Variants in ZBTB37 observed in about 807,000 individuals in gnomAD.
ZBTB37 encodes the protein zinc finger and BTB domain-containing protein 37.
Under a neutral mutation model 37.7 loss-of-function variants are expected in ZBTB37, and 15 were observed. That is an observed-to-expected ratio of 0.40 (90% confidence interval 0.27 to 0.61). ZBTB37 has a LOEUF of 0.61. Ranked by LOEUF, ZBTB37 falls within the 20% of genes least tolerant of loss-of-function variation. The pLI is 0.44. For synonymous variants in ZBTB37, 231 were observed against 220.6 expected (o/e 1.05, Z -0.42); for missense variants, 514 against 641.9 (o/e 0.80, Z 2.15).
chr1:173,869,485 T>A (rs1655354395), intron 2 of ZBTB37, among the ~76,000 whole-genome samples: 2 of 152,238 alleles, frequency 1.3e-5, no homozygotes, highest in African/African-American at 4.8e-5. Flanking sequence ...GATGGAAGTA[T>A]TCATCACCAC....
intron 3 of ZBTB37, among the ~76,000 whole-genome samples, chr1:173,872,035 A>G (rs538986102): frequency 2.8e-4 from 42 of 152,356 alleles, no homozygotes; most frequent in Non-Finnish European, 5.3e-4. Flanking sequence ...CAGTTAGTGT[A>G]TACTGTATCC....
downstream of ZBTB37, chr1:173,889,248 A>T (rs1246182246): frequency 6.6e-6 from 1 of 152,268 alleles, no homozygotes; most frequent in Non-Finnish European, 1.5e-5. Context: ...CTAACAACAC[A>T]TTGGTCATAG....
chr1:173,895,663 T>TA (rs1285212987), exon 4 of ZBTB37: 1 of 152,232 alleles, frequency 6.6e-6, no homozygotes, highest in Non-Finnish European at 1.5e-5. Context: ...TCATTCTTGT[T>TA]ACCTTTCATA....
At chr1:173,877,231 G>C (rs1414660097) in intron 4 of ZBTB37, among the ~76,000 whole-genome samples, 1 of 151,992 alleles carries the variant, frequency 6.6e-6, no homozygotes, top group Non-Finnish European at 1.5e-5. Flanking sequence ...GCATAAGACA[G>C]ACTAACAAAT....
chr1:173,890,049 A>G (rs1322778), downstream of ZBTB37: 16,413 of 152,152 alleles, frequency 0.11, 1,010 homozygotes, highest in East Asian at 0.24. Context: ...TTTTTCTTAA[A>G]GGCAGGGTCT....
exon 4 of ZBTB37, chr1:173,892,614 C>G (rs936862774): frequency 6.6e-6 from 1 of 152,162 alleles, no homozygotes; most frequent in Non-Finnish European, 1.5e-5. Context: ...TCAACTGTGA[C>G]ACAGCAGTGA....
At chr1:173,883,931 G>A (rs540145585) in intron 4 of ZBTB37, among the ~76,000 whole-genome samples, 1 of 152,218 alleles carries the variant, frequency 6.6e-6, no homozygotes, top group African/African-American at 2.4e-5. Context: ...GATGAATCTT[G>A]CTCCAGTTAC....
chr1:173,869,306 C>G (rs1017979277), intron 2 of ZBTB37, among the ~76,000 whole-genome samples, 186 bp downstream of exon 2: 1 of 152,108 alleles, frequency 6.6e-6, no homozygotes, highest in African/African-American at 2.4e-5. Flanking sequence ...TCTTCCTGTT[C>G]GGATTTATAC....
At chr1:173,885,574 C>A in intron 4 of ZBTB37, 62 bp from the exon 5 acceptor site, 1 of 1,352,218 alleles carries the variant, frequency 7.4e-7, no homozygotes, top group African/African-American at 1.5e-5. Context: ...GATTTGATTG[C>A]TTTTAATATG....
chr1:173,872,548 T>C (rs1230040315), intron 3 of ZBTB37, among the ~76,000 whole-genome samples: 1 of 152,044 alleles, frequency 6.6e-6, no homozygotes, highest in Admixed American at 6.6e-5. Context: ...CTTATTAAAA[T>C]AATCTTGAGC....
intron 4 of ZBTB37, among the ~76,000 whole-genome samples, chr1:173,880,692 G>A (rs1656246113): frequency 6.6e-6 from 1 of 151,922 alleles, no homozygotes; most frequent in East Asian, 1.9e-4. Flanking sequence ...AGCCGTTTTT[G>A]CCTTTGCTTC....
intron 4 of ZBTB37, among the ~76,000 whole-genome samples, chr1:173,877,121 A>G (rs1308705205): frequency 6.6e-6 from 1 of 152,222 alleles, no homozygotes; most frequent in Non-Finnish European, 1.5e-5. Context: ...TTATAATCGT[A>G]TGGAAGCACG....
chr1:173,873,167 AATTT>A (rs1446460597), intron 3 of ZBTB37, among the ~76,000 whole-genome samples: 1 of 152,190 alleles, frequency 6.6e-6, no homozygotes, highest in African/African-American at 2.4e-5. Flanking sequence ...GCCCCGTTTT[AATTT>A]ATTCTTTTAT....
chr1:173,880,103 G>T (rs1656215896), intron 4 of ZBTB37, among the ~76,000 whole-genome samples: 1 of 152,168 alleles, frequency 6.6e-6, no homozygotes, highest in South Asian at 2.1e-4. Context: ...ACAGGATCAG[G>T]CACACACTAC....
chr1:173,870,946 G>A, exon 3 of ZBTB37: 1 of 1,614,234 alleles, frequency 6.2e-7, no homozygotes, highest in Non-Finnish European at 8.5e-7. Flanking sequence ...TAGAGTTCTT[G>A]GAGCAGTACA....
downstream of ZBTB37, chr1:173,890,064 A>G (rs1049124711): frequency 2.0e-5 from 3 of 152,094 alleles, no homozygotes; most frequent in African/African-American, 4.8e-5. Context: ...GGGTCTCACT[A>G]TGTTGCCCAG....
exon 4 of ZBTB37, chr1:173,895,023 T>G (rs1453850766): frequency 6.6e-6 from 1 of 152,246 alleles, no homozygotes; most frequent in African/African-American, 2.4e-5. Context: ...TGTGAACATT[T>G]GCCTGGTTTT....
chr1:173,868,996 A>G (rs1284488528), exon 2 of ZBTB37: 1 of 152,686 alleles, frequency 6.5e-6, no homozygotes, highest in African/African-American at 2.4e-5. Context: ...GAATTGCCGG[A>G]AAGAGCAAAC....
exon 3 of ZBTB37, chr1:173,870,278 T>G: frequency 6.2e-7 from 1 of 1,614,196 alleles, no homozygotes; most frequent in Non-Finnish European, 8.5e-7. Context: ...AGCAACTCTG[T>G]CCTGAGCCAT....
Sources: allele counts gnomAD v4.1 joint callset (sites outside exome capture counted in the v4.1 genomes callset), GRCh38; gene constraint gnomAD v4.1.1; transcripts MANE v1.5; gene names NCBI Gene and HGNC (gene_info 2026-07-23, HGNC 2026-07-21).